The following DYM variants were observed in gnomAD, a reference collection of about 807,000 sequenced individuals.
The protein encoded by DYM is dymeclin, also known as dyggve-Melchior-Clausen syndrome protein.
Under a neutral mutation model 93.1 loss-of-function variants are expected in DYM, and 78 were observed. The ratio of observed to expected loss-of-function variants is 0.84; its 90% CI spans 0.70 to 1.01. DYM has a LOEUF of 1.01. DYM is among the 50% of genes least tolerant of loss of function. The pLI, the probability that DYM is intolerant of heterozygous loss-of-function variation, is 0.00. For missense variants in DYM, 789 were observed against 845.0 expected (o/e 0.93, Z 0.82); for synonymous variants, 321 against 319.7 (o/e 1.00, Z -0.04).
intron 1 of DYM, among the ~76,000 whole-genome samples, chr18:49,442,249 T>G (rs972441657): frequency 6.6e-6 from 1 of 152,034 alleles, no homozygotes; most frequent in African/African-American, 2.4e-5. Context: ...GCATGAAATA[T>G]AGAAACCAAA....
intron 10 of DYM, among the ~76,000 whole-genome samples, chr18:49,280,821 G>C (rs1052417215): frequency 6.6e-6 from 1 of 152,014 alleles, no homozygotes; most frequent in African/African-American, 2.4e-5. Context: ...CAAACACATG[G>C]AATGTTAGAC....
intron 17 of DYM, among the ~76,000 whole-genome samples, chr18:49,080,363 G>A (rs1174568440): frequency 1.4e-5 from 2 of 139,440 alleles, no homozygotes; most frequent in Admixed American, 1.4e-4. Context: ...CCTCCCGGAC[G>A]GGGTGGCTGG....
chr18:49,337,900 CA>C (rs2063791278), intron 6 of DYM, among the ~76,000 whole-genome samples: 1 of 151,482 alleles, frequency 6.6e-6, no homozygotes, highest in African/African-American at 2.4e-5. Context: ...AAGGCAGCCA[CA>C]AAAAGGTCTG....
intron 15 of DYM, among the ~76,000 whole-genome samples, chr18:49,157,061 ATGCC>A (rs2086541394): frequency 6.6e-6 from 1 of 152,018 alleles, no homozygotes; most frequent in Admixed American, 6.5e-5. Flanking sequence ...GCTCCTGGAC[ATGCC>A]TGACCTTGGG....
At chr18:49,062,583 C>T (rs1214762983) in intron 17 of DYM, among the ~76,000 whole-genome samples, 7 of 152,348 alleles carry the variant, frequency 4.6e-5, no homozygotes, top group South Asian at 2.1e-4. Flanking sequence ...AGGTGCTTTG[C>T]ACCAACGGCA....
At chr18:49,400,431 C>T (rs780458552) in intron 2 of DYM, among the ~76,000 whole-genome samples, 3 of 152,204 alleles carry the variant, frequency 2.0e-5, no homozygotes, top group Non-Finnish European at 4.4e-5. Context: ...GCCACTGCCT[C>T]GTTCAACAAT....
At chr18:49,098,519 C>T (rs974380259) in intron 16 of DYM, among the ~76,000 whole-genome samples, 11 of 152,176 alleles carry the variant, frequency 7.2e-5, no homozygotes, top group South Asian at 6.2e-4. Context: ...ACTTAGCTGG[C>T]GCCACAGCCA....
chr18:49,189,828 A>G (rs1290094391), intron 14 of DYM, among the ~76,000 whole-genome samples: 1 of 152,240 alleles, frequency 6.6e-6, no homozygotes, highest in Non-Finnish European at 1.5e-5. Context: ...ATAACAGGAA[A>G]TACCACAAAC....
At chr18:49,258,326 T>C in intron 12 of DYM, 54 bp downstream of exon 12, 1 of 1,263,694 alleles carries the variant, frequency 7.9e-7, no homozygotes, top group Admixed American at 1.7e-5. Flanking sequence ...CTTTAAACTA[T>C]CGTCTTAATT....
At position 49,272,169 on chromosome 18, in the gene DYM, G is replaced by A; in HGVS notation, c.1251+9C>T. ...AACTCTAACTCTAATCCAAGTAATG[G>A]TAACTTACCACTTCATGAATGGATC... On this transcript the variant is annotated intron_variant, in intron 11 of 17. Coordinates refer to ENST00000675505, the MANE Select transcript of DYM (RefSeq NM_001353214.3). The A allele has an allele frequency of 6.2e-7, 1 of 1,611,470 alleles. No homozygotes were observed.
intron 14 of DYM, among the ~76,000 whole-genome samples, chr18:49,187,244 T>TTA (rs1347909978): frequency 6.6e-6 from 1 of 152,084 alleles, no homozygotes; most frequent in African/African-American, 2.4e-5. Flanking sequence ...CTAAGAAAAG[T>TTA]TACTCTTGCA....
Position 49,286,056 on chromosome 18 carries a change from TTG to T in DYM, c.946+376_946+377del, listed in dbSNP as rs1429810563. On this transcript the variant is annotated intron_variant, in intron 9 of 17. Transcript: ENST00000675505. ...TGATTTGTGTTCTAATCTTTTTTTT[TTG>T]TTTTTGAGACCTAATTTTTAGTTCT... 3.9e-5 allele frequency among the ~76,000 whole-genome samples: 6 copies of T among 152,262 alleles called. No homozygotes were observed. The East Asian group carries it at 9.7e-4, about 24-fold the overall frequency.
chr18:49,107,626 T>A (rs1274063912), intron 16 of DYM, among the ~76,000 whole-genome samples: 1 of 152,224 alleles, frequency 6.6e-6, no homozygotes, highest in East Asian at 1.9e-4. Context: ...CTTCTAACAG[T>A]CAGGACCCTC....
intron 13 of DYM, among the ~76,000 whole-genome samples, chr18:49,243,666 CAAAAAA>C (rs59748721): frequency 5.3e-5 from 6 of 114,228 alleles, no homozygotes; most frequent in Admixed American, 1.9e-4. Flanking sequence ...GGCTCTGTCT[CAAAAAA>C]AAAAAAAAAG....
At chr18:49,410,597 G>A (rs2072127315) in intron 2 of DYM, among the ~76,000 whole-genome samples, 1 of 150,654 alleles carries the variant, frequency 6.6e-6, no homozygotes, top group Non-Finnish European at 1.5e-5. Flanking sequence ...GGGGCTGTTT[G>A]TCTAAAATTG....
At chr18:49,170,515 C>T (rs1377383205) in intron 14 of DYM, among the ~76,000 whole-genome samples, 1 of 152,126 alleles carries the variant, frequency 6.6e-6, no homozygotes, top group Non-Finnish European at 1.5e-5. Flanking sequence ...GGTGTGCTGG[C>T]TCACACCTGT....
At chr18:49,421,306 A>G (rs1353477403) in intron 2 of DYM, among the ~76,000 whole-genome samples, 1 of 152,182 alleles carries the variant, frequency 6.6e-6, no homozygotes, top group African/African-American at 2.4e-5. Context: ...AAGCTTCCAG[A>G]GGAACAATCA....
At chr18:49,094,932 T>A (rs979157493) in intron 17 of DYM, among the ~76,000 whole-genome samples, 2 of 152,210 alleles carry the variant, frequency 1.3e-5, no homozygotes, top group East Asian at 3.8e-4. Flanking sequence ...TAAAGAATTC[T>A]GAGTTTCTAA....
At chr18:49,421,439 G>C (rs1466937135) in intron 2 of DYM, among the ~76,000 whole-genome samples, 1 of 152,152 alleles carries the variant, frequency 6.6e-6, no homozygotes, top group African/African-American at 2.4e-5. Context: ...TGAGGGTCCT[G>C]ACTGTTAGAA....
Sources: gnomAD v4.1 joint callset for allele counts (sites outside exome capture counted in the v4.1 genomes callset) on GRCh38, gnomAD v4.1.1 for gene constraint, MANE v1.5 for transcripts, NCBI Gene and HGNC (gene_info 2026-07-23, HGNC 2026-07-21) for gene names.